Variants in NLRP9 observed in about 807,000 individuals in gnomAD.
NLRP9 encodes NLR family pyrin domain containing 9.
In NLRP9, 88 loss-of-function variants were observed where a neutral mutation model predicts 83.1. The observed-to-expected ratio is 1.06, with a 90% CI of 0.89 to 1.26. NLRP9 has a LOEUF of 1.26. Among genes scored for constraint, NLRP9 ranks in the 50% most tolerant of loss-of-function variants. The probability of loss-of-function intolerance (pLI) is 0.00; values close to 1 mark genes in which losing one functional copy is unlikely to be tolerated. For synonymous variants in NLRP9, 521 were observed against 447.6 expected (o/e 1.16, Z -2.07); for missense variants, 1,308 against 1,179.3 (o/e 1.11, Z -1.60).
chr19:55,715,679 C>T (rs759442610), intron 5 of NLRP9, among the ~76,000 whole-genome samples: 3 of 151,720 alleles, frequency 2.0e-5, no homozygotes, highest in Non-Finnish European at 2.9e-5. Context: ...AGCGAAACTC[C>T]GTCTCAAAAA....
At chr19:55,734,512 T>A (rs1358709435) in intron 1 of NLRP9, among the ~76,000 whole-genome samples, 2 of 105,526 alleles carry the variant, frequency 1.9e-5, no homozygotes, top group African/African-American at 3.5e-5. Context: ...AGTACACATA[T>A]ATATACACAC....
Position 55,724,126 on chromosome 19 carries a change from A to C in NLRP9, c.2013T>G (p.Phe671Leu). The C allele has an allele frequency of 2.5e-6, 4 of 1,611,666 alleles. No homozygotes were observed. Among genetic ancestry groups the C allele is most frequent in the Admixed American group, 3.4e-5 (2 of 59,646 alleles). Residue 671 changes from phenylalanine to leucine, a missense_variant, in exon 4 of 9, where the codon TTT becomes TTG. Coordinates refer to ENST00000332836, the MANE Select transcript of NLRP9 (RefSeq NM_176820.4). Reference protein sequence around the residue: ...LRKLIFTSVYFGHDSELFKAV... With the variant: ...LRKLIFTSVYLGHDSELFKAV... ...CCTTAAATAATTCTGAATCATGTCC[A>C]AAGTACACAGAAGTAAATCTGCAAA...
At chr19:55,717,993 A>C (rs1988085617) in intron 4 of NLRP9, among the ~76,000 whole-genome samples, 1 of 152,240 alleles carries the variant, frequency 6.6e-6, no homozygotes. Context: ...ATCTGTACTA[A>C]GAAAAACTGT....
At chr19:55,730,052 A>C (rs1568602282) in intron 2 of NLRP9, 60 bp from the exon 3 acceptor site, 13 of 1,483,294 alleles carry the variant, frequency 8.8e-6, no homozygotes, top group Non-Finnish European at 1.2e-5. Flanking sequence ...GACATTCTCA[A>C]AACAGGTCGA....
intron 6 of NLRP9, among the ~76,000 whole-genome samples, chr19:55,713,590 TC>T: frequency 3.2e-5 from 1 of 31,516 alleles, no homozygotes; most frequent in East Asian, 9.6e-4. Context: ...CCTCCTCCCC[TC>T]CTCCTCCTCT....
chr19:55,734,386 AAAAAAAAATT>A (rs1453607570), intron 1 of NLRP9, among the ~76,000 whole-genome samples: 36 of 142,562 alleles, frequency 2.5e-4, no homozygotes, highest in African/African-American at 9.0e-4. Context: ...AAAAAAAAAA[AAAAAAAAATT>A]ACTATATCAA....
chr19:55,713,456 T>C (rs1987853685), intron 6 of NLRP9, among the ~76,000 whole-genome samples: 1 of 151,716 alleles, frequency 6.6e-6, no homozygotes, highest in African/African-American at 2.4e-5. Flanking sequence ...GTCTGATGTA[T>C]GTACTTGTGT....
intron 4 of NLRP9, among the ~76,000 whole-genome samples, chr19:55,717,936 G>A (rs531033588): frequency 6.6e-6 from 1 of 152,276 alleles, no homozygotes; most frequent in Admixed American, 6.5e-5. Flanking sequence ...AGATCAGATT[G>A]TTACTGTGTC....
intron 4 of NLRP9, among the ~76,000 whole-genome samples, chr19:55,717,888 G>A (rs1988081396): frequency 6.6e-6 from 1 of 152,314 alleles, no homozygotes; most frequent in South Asian, 2.1e-4. Flanking sequence ...GCTCCACAGG[G>A]ACAGATGCTC....
intron 6 of NLRP9, among the ~76,000 whole-genome samples, chr19:55,713,634 C>T (rs1987877061): frequency 8.5e-6 from 1 of 118,302 alleles, no homozygotes; most frequent in Non-Finnish European, 1.8e-5. Context: ...CTCCCCTCCT[C>T]CTCCTCTCCC....
chr19:55,737,844 G>A (rs1243930926), intron 1 of NLRP9, among the ~76,000 whole-genome samples: 7 of 148,732 alleles, frequency 4.7e-5, no homozygotes, highest in Non-Finnish European at 1.0e-4. Context: ...CTATAACAAC[G>A]ACTCCACTTG....
chr19:55,717,930 C>A (rs1400262486), intron 4 of NLRP9, among the ~76,000 whole-genome samples: 2 of 152,194 alleles, frequency 1.3e-5, no homozygotes, highest in African/African-American at 4.8e-5. Context: ...AATGAGAGAT[C>A]AGATTGTTAC....
At chr19:55,726,725 A>G (rs1050493315) in intron 3 of NLRP9, among the ~76,000 whole-genome samples, 1 of 152,172 alleles carries the variant, frequency 6.6e-6, no homozygotes, top group Non-Finnish European at 1.5e-5. Flanking sequence ...GTTGAATGAT[A>G]CCTCCAATGT....
chr19:55,720,424 CAA>C (rs1988188825), intron 4 of NLRP9, among the ~76,000 whole-genome samples: 1 of 152,166 alleles, frequency 6.6e-6, no homozygotes, highest in African/African-American at 2.4e-5. Flanking sequence ...CCTTTGGGCT[CAA>C]GAGATCCTCC....
At chr19:55,726,356 T>A (rs1360423859) in intron 3 of NLRP9, among the ~76,000 whole-genome samples, 1 of 152,212 alleles carries the variant, frequency 6.6e-6, no homozygotes, top group Non-Finnish European at 1.5e-5. Context: ...TGTTGACTAT[T>A]TGCCTTGTCA....
chr19:55,713,440 G>A (rs1431736117), intron 6 of NLRP9, among the ~76,000 whole-genome samples: 1 of 151,662 alleles, frequency 6.6e-6, no homozygotes, highest in Admixed American at 6.6e-5. Flanking sequence ...ACATATATAT[G>A]TATGTGTCTG....
At chr19:55,728,797 C>T (rs1988475816) in intron 3 of NLRP9, among the ~76,000 whole-genome samples, 1 of 152,128 alleles carries the variant, frequency 6.6e-6, no homozygotes, top group Non-Finnish European at 1.5e-5. Context: ...CATGACTTTT[C>T]AAGCTGAAGG....
At chr19:55,716,673 G>C (rs1343546121) in intron 5 of NLRP9, 55 bp downstream of exon 5, 1 of 1,460,870 alleles carries the variant, frequency 6.8e-7, no homozygotes, top group Non-Finnish European at 9.6e-7. Flanking sequence ...ATAATGGGTG[G>C]ATCCAGGTGC....
At chr19:55,723,658 G>C (rs1988300877) in intron 4 of NLRP9, among the ~76,000 whole-genome samples, 1 of 149,702 alleles carries the variant, frequency 6.7e-6, no homozygotes, top group Non-Finnish European at 1.5e-5. Flanking sequence ...AACCCGGGAA[G>C]CTGAGGTTGC....
Sources: allele counts gnomAD v4.1 joint callset (sites outside exome capture counted in the v4.1 genomes callset), GRCh38; gene constraint gnomAD v4.1.1; transcripts MANE v1.5; gene names NCBI Gene and HGNC (gene_info 2026-07-23, HGNC 2026-07-21).